PDE4D: variants seen among roughly 807,000 people sequenced by gnomAD.
PDE4D encodes 3',5'-cyclic-AMP phosphodiesterase 4D.
PDE4D carries 24 observed loss-of-function variants against 87.4 expected under a neutral mutation model. The observed-to-expected ratio is 0.27, with a 90% confidence interval of 0.20 to 0.39. PDE4D has a LOEUF of 0.39. PDE4D is among the 10% of genes least tolerant of loss of function. The pLI, the probability that PDE4D is intolerant of heterozygous loss-of-function variation, is 1.00. For synonymous variants in PDE4D, 384 were observed against 383.2 expected (o/e 1.00, Z -0.02); for missense variants, 714 against 1,041.0 (o/e 0.69, Z 4.32).
intron 1 of PDE4D, among the ~76,000 whole-genome samples, chr5:59,614,340 G>A (rs1238404254): frequency 2.6e-5 from 4 of 152,182 alleles, no homozygotes; most frequent in African/African-American, 9.6e-5. Flanking sequence ...TTATGCCAAT[G>A]ATAATATTCA....
intron 1 of PDE4D, among the ~76,000 whole-genome samples, chr5:60,256,352 T>G (rs1402142000): frequency 6.6e-6 from 1 of 151,924 alleles, no homozygotes; most frequent in Non-Finnish European, 1.5e-5. Context: ...TAAAAGAAAA[T>G]TTTGTGAAAC....
chr5:59,057,421 G>T (rs1258802499), intron 5 of PDE4D, among the ~76,000 whole-genome samples: 1 of 152,156 alleles, frequency 6.6e-6, no homozygotes, highest in Non-Finnish European at 1.5e-5. Context: ...GTATGATTCT[G>T]AAAATTATTT....
At chr5:59,370,018 A>G (rs559517288) in intron 1 of PDE4D, among the ~76,000 whole-genome samples, 5 of 152,268 alleles carry the variant, frequency 3.3e-5, no homozygotes, top group East Asian at 1.9e-4. Flanking sequence ...CTCTCACTCT[A>G]TGTAAAAATC....
At chr5:60,420,722 G>T (rs181844794) in intron 1 of PDE4D, among the ~76,000 whole-genome samples, 1 of 152,238 alleles carries the variant, frequency 6.6e-6, no homozygotes, top group African/African-American at 2.4e-5. Context: ...AGCCCATGGA[G>T]CGGGAGCCAG....
chr5:59,333,713 C>A (rs544824393), intron 1 of PDE4D, among the ~76,000 whole-genome samples: 1 of 152,200 alleles, frequency 6.6e-6, no homozygotes, highest in East Asian at 1.9e-4. Flanking sequence ...TTGATTCCAT[C>A]CTAAAGAGTT....
rs1434754011 is a variant in PDE4D, at chr5:58,984,085, T to C, written c.1552+4408A>G. 3.0e-5 allele frequency among the ~76,000 whole-genome samples: 4 copies of C among 133,024 alleles called. No individual in the cohort carries two copies. In the Admixed American group the frequency reaches 3.1e-4, roughly 10 times the overall value. The allele number at this position is 133,024 out of a possible 152,430, so 87.3% of individuals were successfully genotyped here. On this transcript the variant is annotated intron_variant, in intron 11 of 14. Coordinates refer to ENST00000340635, the MANE Select transcript of PDE4D (RefSeq NM_001104631.2). The stretch of plus-strand genomic sequence containing the variant: ...TTACTAGGCTTAGCCTTGAGTTAGT[T>C]AGAAAATGACAGCATGCTACACCAT...
chr5:59,590,521 A>G (rs1008783798), intron 1 of PDE4D, among the ~76,000 whole-genome samples: 3 of 152,158 alleles, frequency 2.0e-5, no homozygotes, highest in African/African-American at 7.2e-5. Flanking sequence ...AAAATTAAAA[A>G]GAAATATCAG....
At chr5:59,662,336 C>A (rs1745390354) in intron 1 of PDE4D, among the ~76,000 whole-genome samples, 5 of 152,150 alleles carry the variant, frequency 3.3e-5, no homozygotes, top group Admixed American at 1.3e-4. Context: ...GGTCACAATT[C>A]AGGAGAAAGG....
chr5:59,263,415 T>C (rs1009590287), intron 1 of PDE4D, among the ~76,000 whole-genome samples: 1 of 151,916 alleles, frequency 6.6e-6, no homozygotes, highest in Non-Finnish European at 1.5e-5. Flanking sequence ...TAATTCTAAT[T>C]GGGGAAGTCT....
chr5:59,720,434 G>A (rs1170682769), intron 1 of PDE4D, among the ~76,000 whole-genome samples: 2 of 152,102 alleles, frequency 1.3e-5, no homozygotes, highest in Non-Finnish European at 2.9e-5. Context: ...ATGAGCCAAA[G>A]TGTCTGGCCC....
chr5:59,914,536 A>ATGTG (rs34257506), intron 3 of PDE4D, among the ~76,000 whole-genome samples: 1,913 of 145,404 alleles, frequency 0.013, 25 homozygotes, highest in African/African-American at 0.039. Context: ...AGGAAGATGT[A>ATGTG]TGTGTGTGTG....
chr5:60,182,610 G>A (rs1475126605), intron 2 of PDE4D, among the ~76,000 whole-genome samples: 2 of 152,030 alleles, frequency 1.3e-5, no homozygotes, highest in Non-Finnish European at 2.9e-5. Flanking sequence ...CCAGCGCCGT[G>A]GCTCATGCCT....
chr5:60,500,910 G>A (rs1302506095), intron 1 of PDE4D, among the ~76,000 whole-genome samples: 2 of 152,106 alleles, frequency 1.3e-5, no homozygotes, highest in Non-Finnish European at 2.9e-5. Flanking sequence ...AACAGCTGAG[G>A]CAACTGAGGC....
At chr5:60,197,113 A>ATAGATAGG (rs1339520009) in intron 1 of PDE4D, among the ~76,000 whole-genome samples, 1 of 150,382 alleles carries the variant, frequency 6.6e-6, no homozygotes, top group East Asian at 1.9e-4. Context: ...AGATAGATAG[A>ATAGATAGG]TAGATAGATA....
chr5:59,509,631 T>C (rs574558880), intron 1 of PDE4D, among the ~76,000 whole-genome samples: 5 of 151,328 alleles, frequency 3.3e-5, no homozygotes, highest in African/African-American at 1.2e-4. Flanking sequence ...GTTACATATT[T>C]GGAAAATTTT....
intron 1 of PDE4D, among the ~76,000 whole-genome samples, chr5:59,516,794 A>T (rs528550932): frequency 3.3e-5 from 5 of 152,318 alleles, no homozygotes; most frequent in Non-Finnish European, 5.9e-5. Flanking sequence ...AAAATTAATT[A>T]AAAAATTAGT....
At chr5:60,037,240 G>A (rs2152864585) in intron 2 of PDE4D, among the ~76,000 whole-genome samples, 1 of 152,214 alleles carries the variant, frequency 6.6e-6, no homozygotes, top group Admixed American at 6.5e-5. Context: ...AATACAATAT[G>A]TTAAAATGCT....
At chr5:59,039,419 C>G (rs892083736) in intron 5 of PDE4D, 3 of 995,066 alleles carry the variant, frequency 3.0e-6, no homozygotes, top group Non-Finnish European at 2.4e-6. Context: ...GTCCCCAACC[C>G]GGAGCCGCGG....
At chr5:60,300,595 C>T (rs570669927) in intron 1 of PDE4D, among the ~76,000 whole-genome samples, 8 of 151,790 alleles carry the variant, frequency 5.3e-5, no homozygotes, top group Non-Finnish European at 1.0e-4. Context: ...AAGGAAGGGG[C>T]CGAATTTCAA....
Sources: gnomAD v4.1 joint callset for allele counts (sites outside exome capture counted in the v4.1 genomes callset) on GRCh38, gnomAD v4.1.1 for gene constraint, MANE v1.5 for transcripts, NCBI Gene and HGNC (gene_info 2026-07-23, HGNC 2026-07-21) for gene names.